PRICKLE2: variants seen among roughly 807,000 people sequenced by gnomAD.
PRICKLE2 encodes prickle-like protein 2.
A neutral mutation model predicts 81.4 loss-of-function variants in PRICKLE2; 21 were observed. That is an observed-to-expected ratio of 0.26 (90% CI 0.18 to 0.37). The LOEUF (loss-of-function observed/expected upper bound fraction) is 0.37, where lower values mean the gene tolerates loss of function less well. PRICKLE2 is among the 10% of genes least tolerant of loss of function. PRICKLE2 has a pLI of 1.00. For missense variants in PRICKLE2, 940 were observed against 1,109.0 expected, an observed-to-expected ratio of 0.85 and a Z score of 2.16; for synonymous variants, 456 against 421.5, an observed-to-expected ratio of 1.08 and a Z score of -1.00.
chr3:64,151,072 G>A (rs1173919145), intron 6 of PRICKLE2, among the ~76,000 whole-genome samples: 2 of 152,206 alleles, frequency 1.3e-5, no homozygotes, highest in East Asian at 3.9e-4. Flanking sequence ...ACTCTGCTGT[G>A]CACAGGCAAA....
Position 64,097,183 on chromosome 3 carries a change from C to G in PRICKLE2, c.*1868G>C, listed in dbSNP as rs886058791. ...TTTTTAAAAAAATCAGTGACAATGACAAATGTCATATTAATACCTGAAAAG... is the reference window on the plus strand; with the variant it reads ...TTTTTAAAAAAATCAGTGACAATGAGAAATGTCATATTAATACCTGAAAAG... On this transcript the variant is annotated 3_prime_UTR_variant, in exon 8 of 8. Transcript: ENST00000638394. 3.3e-4 allele frequency: 51 copies of G among 152,664 alleles called. No individual in the cohort carries two copies. The highest frequency in any genetic ancestry group is 1.2e-3 in the African/African-American group (50 of 41,548). The allele number at this position is 152,664 out of a possible 1,614,324, so 9.5% of individuals were successfully genotyped here.
intron 3 of PRICKLE2, 128 bp from the exon 4 acceptor site, chr3:64,160,205 A>C: frequency 1.0e-6 from 1 of 960,418 alleles, no homozygotes; most frequent in Admixed American, 1.8e-5. Context: ...CTGAACTTTA[A>C]CCACAACAGC....
intron 2 of PRICKLE2, among the ~76,000 whole-genome samples, chr3:64,175,790 G>A (rs993778018): frequency 6.6e-6 from 1 of 152,076 alleles, no homozygotes; most frequent in African/African-American, 2.4e-5. Flanking sequence ...AGTGACAAAA[G>A]AATGAAAATA....
At chr3:64,213,755 G>A (rs944522365) in intron 1 of PRICKLE2, among the ~76,000 whole-genome samples, 8 of 144,394 alleles carry the variant, frequency 5.5e-5, no homozygotes, top group East Asian at 2.4e-4. Flanking sequence ...CGCTTTCCAC[G>A]CTTTTCTTAT....
chr3:64,164,588 T>C (rs1353152288), intron 2 of PRICKLE2, among the ~76,000 whole-genome samples: 1 of 152,218 alleles, frequency 6.6e-6, no homozygotes, highest in Non-Finnish European at 1.5e-5. Context: ...TTTATTTTCA[T>C]AACTAATGAT....
chr3:64,113,898 C>G (rs2076892194), intron 7 of PRICKLE2, among the ~76,000 whole-genome samples: 1 of 152,188 alleles, frequency 6.6e-6, no homozygotes, highest in Non-Finnish European at 1.5e-5. Context: ...CAGGGGCCCC[C>G]CACTCCACCC....
rs796632800 is a variant in PRICKLE2, at chr3:64,161,977, A to G, written c.258+1039T>C. On this transcript the variant is annotated intron_variant, in intron 3 of 7. Coordinates refer to ENST00000638394, the MANE Select transcript of PRICKLE2 (RefSeq NM_198859.4). ...ATGATGTCTGAAATAAGCAGCAGTAAAGAGGATCATAGCTCTCTTTTTAGG... is the reference window on the plus strand; with the variant it reads ...ATGATGTCTGAAATAAGCAGCAGTAGAGAGGATCATAGCTCTCTTTTTAGG... Among the ~76,000 whole-genome samples, 11 of 152,328 alleles carry G rather than the reference A, an allele frequency of 7.2e-5. 1 individual carries two copies. The highest frequency in any genetic ancestry group is 2.6e-4 in the African/African-American group (11 of 41,580).
intron 1 of PRICKLE2, among the ~76,000 whole-genome samples, chr3:64,217,379 A>G (rs1400574210): frequency 6.6e-6 from 1 of 152,212 alleles, no homozygotes; most frequent in Non-Finnish European, 1.5e-5. Flanking sequence ...GTTTTGATAC[A>G]TGGATATACT....
At chr3:64,266,710 T>C (rs963613286) in intron 2 of PRICKLE2, among the ~76,000 whole-genome samples, 1 of 152,158 alleles carries the variant, frequency 6.6e-6, no homozygotes, top group Non-Finnish European at 1.5e-5. Flanking sequence ...TGTCCATGTC[T>C]CTAATTACTC....
In PRICKLE2 at chr3:64,095,666, A is replaced by G. The variant is rs2076562538; in HGVS notation, c.*3385T>C. 6.6e-6 allele frequency: 1 copy of G among 152,258 alleles called. No homozygotes were observed. The highest frequency in any genetic ancestry group is 6.5e-5 in the Admixed American group (1 of 15,288). The allele number at this position is 152,258 out of a possible 1,614,324, so 9.4% of individuals were successfully genotyped here. A position where few individuals can be genotyped will look rare whatever the true frequency, so the allele number is the denominator to read the frequency against. The stretch of plus-strand genomic sequence containing the variant: ...AGAAAACATAATCTTGTTATAGTGC[A>G]GGAACATCCTACAGGAAATGAGGAT... On this transcript the variant is annotated 3_prime_UTR_variant, in exon 8 of 8. Transcript: ENST00000638394.
chr3:64,166,144 C>G (rs2077829212), intron 2 of PRICKLE2, among the ~76,000 whole-genome samples: 2 of 152,288 alleles, frequency 1.3e-5, no homozygotes, highest in South Asian at 4.1e-4. Flanking sequence ...CCTCTTACCT[C>G]TGCTCTCTTC....
intron 2 of PRICKLE2, among the ~76,000 whole-genome samples, chr3:64,169,030 A>C (rs1366062761): frequency 6.6e-6 from 1 of 152,084 alleles, no homozygotes; most frequent in Non-Finnish European, 1.5e-5. Context: ...GACTGAGAGC[A>C]TCAATATACT....
At chr3:64,218,958 G>A (rs1394922651) in intron 1 of PRICKLE2, among the ~76,000 whole-genome samples, 1 of 152,090 alleles carries the variant, frequency 6.6e-6, no homozygotes, top group Non-Finnish European at 1.5e-5. Context: ...CAAAGCCCTG[G>A]AGAGCTTCTG....
chr3:64,258,851 AAG>A (rs1205099566), intron 2 of PRICKLE2, among the ~76,000 whole-genome samples: 3 of 127,276 alleles, frequency 2.4e-5, no homozygotes, highest in South Asian at 2.3e-4. Flanking sequence ...AAAAAAAAGA[AAG>A]AAAGAAAGAA....
intron 7 of PRICKLE2, among the ~76,000 whole-genome samples, chr3:64,142,300 T>C (rs996012413): frequency 1.5e-5 from 2 of 132,402 alleles, no homozygotes; most frequent in African/African-American, 5.8e-5. Context: ...AGGAGTATTT[T>C]CTTTCTTTCT....
chr3:64,184,982 C>CT (rs913490852), intron 2 of PRICKLE2, among the ~76,000 whole-genome samples: 2 of 152,300 alleles, frequency 1.3e-5, no homozygotes, highest in African/African-American at 4.8e-5. Context: ...GGCACTGCAG[C>CT]TTTTTTCCCT....
chr3:64,255,457 G>A (rs916125183), intron 2 of PRICKLE2, among the ~76,000 whole-genome samples: 7 of 152,128 alleles, frequency 4.6e-5, no homozygotes, highest in Non-Finnish European at 8.8e-5. Context: ...GGGAGCAAGG[G>A]TTTATACAAA....
chr3:64,107,067 T>C (rs527524890), intron 7 of PRICKLE2, among the ~76,000 whole-genome samples: 8 of 152,288 alleles, frequency 5.3e-5, no homozygotes, highest in South Asian at 4.1e-4. Flanking sequence ...GATTTATCCA[T>C]ATCCCAAGGG....
intron 2 of PRICKLE2, among the ~76,000 whole-genome samples, chr3:64,265,077 T>C (rs2079678934): frequency 6.6e-6 from 1 of 152,108 alleles, no homozygotes; most frequent in African/African-American, 2.4e-5. Flanking sequence ...TTACAATCTT[T>C]GCAAAAATGA....
Sources: allele counts gnomAD v4.1 joint callset (sites outside exome capture counted in the v4.1 genomes callset), GRCh38; gene constraint gnomAD v4.1.1; transcripts MANE v1.5; gene names NCBI Gene and HGNC (gene_info 2026-07-23, HGNC 2026-07-21).